Variants in ATP13A3 observed in about 807,000 individuals in gnomAD.
The protein encoded by ATP13A3 is ATPase 13A3, also known as polyamine-transporting ATPase 13A3.
A neutral mutation model predicts 158.1 loss-of-function variants in ATP13A3; 59 were observed. The ratio of observed to expected loss-of-function variants is 0.37; its 90% confidence interval spans 0.30 to 0.46. The LOEUF (loss-of-function observed/expected upper bound fraction) is 0.46. Among genes scored for constraint, ATP13A3 ranks in the 20% least tolerant of loss-of-function variants. The pLI is 1.00. For missense variants in ATP13A3, 1,166 were observed against 1,525.2 expected (o/e 0.76, Z 3.92); for synonymous variants, 491 against 504.3 (o/e 0.97, Z 0.35).
Position 194,430,149 on chromosome 3 carries a change from T to C in ATP13A3, c.2700A>G (p.Leu900=), listed in dbSNP as rs1280857592. 6.2e-7 allele frequency: 1 copy of C among 1,614,116 alleles called. No homozygotes were observed. The highest frequency in any genetic ancestry group is 1.7e-5 in the Admixed American group (1 of 60,012). The part of the protein sequence containing the change: ...ALKRAHGGIS[L]SELEASVASP... Reference sequence around the variant, plus strand: ...ATGCCACTGAAGCTTCGAGCTCCGATAAGGAAATGCCTCCGTGTGCCCTCT... The same window carrying C: ...ATGCCACTGAAGCTTCGAGCTCCGACAAGGAAATGCCTCCGTGTGCCCTCT... Residue 900 remains leucine (L), a synonymous_variant, in exon 26 of 34, where the codon TTA becomes TTG. Transcript: ENST00000645319.
chr3:194,429,670 A>C lies in ATP13A3; in HGVS notation c.2874+8T>G. On this transcript the variant is annotated splice_region_variant and intron_variant, in intron 27 of 33. Coordinates refer to ENST00000645319, the MANE Select transcript of ATP13A3 (RefSeq NM_001367549.1). ...AGTGTTATCTCTGCACACAATGTTAATACTCACAGAATACAGCAGAGTAAC... is the reference window on the plus strand; with the variant it reads ...AGTGTTATCTCTGCACACAATGTTACTACTCACAGAATACAGCAGAGTAAC... The C allele has an allele frequency of 6.3e-7, 1 of 1,589,424 alleles. No homozygotes were observed. Among genetic ancestry groups the C allele is most frequent in the Admixed American group, 1.7e-5 (1 of 59,218 alleles).
rs370306575 is a variant in ATP13A3, at chr3:194,445,307, T to C, written c.1498-521A>G. 6.7e-4 allele frequency among the ~76,000 whole-genome samples: 102 copies of C among 152,354 alleles called. No individual in the cohort carries two copies. In the South Asian group the frequency reaches 0.02, roughly 30 times the overall value. Reference sequence around the variant, plus strand: ...TTAATTGTAAGCAATGTAATCCCTATTTGGATTCTGACTGAAAAATCAACT... The same window carrying C: ...TTAATTGTAAGCAATGTAATCCCTACTTGGATTCTGACTGAAAAATCAACT... On this transcript the variant is annotated intron_variant, in intron 14 of 33. Transcript: ENST00000645319.
At chr3:194,415,298 G>A (rs1048891532) in intron 31 of ATP13A3, among the ~76,000 whole-genome samples, 3 of 152,196 alleles carry the variant, frequency 2.0e-5, no homozygotes, top group African/African-American at 7.2e-5. Flanking sequence ...TCAGTAGATT[G>A]GCAGGGGAAG....
intron 31 of ATP13A3, 75 bp from the exon 32 acceptor site, chr3:194,413,914 A>G: frequency 2.4e-6 from 3 of 1,269,042 alleles, no homozygotes; most frequent in Non-Finnish European, 3.4e-6. Context: ...ATAATTTCTA[A>G]ATTTATTGAA....
At chr3:194,455,525 T>C (rs1183338005) in intron 8 of ATP13A3, among the ~76,000 whole-genome samples, 3 of 152,208 alleles carry the variant, frequency 2.0e-5, no homozygotes, top group Non-Finnish European at 4.4e-5. Flanking sequence ...CACTATGCTA[T>C]GCTCATAAGC....
chr3:194,412,072 C>T (rs1397096917), intron 33 of ATP13A3, 127 bp downstream of exon 33: 20 of 691,428 alleles, frequency 2.9e-5, no homozygotes, highest in East Asian at 1.1e-4. Flanking sequence ...TGAAGGAACA[C>T]GTAATAGAAC....
rs549369368 is a variant in ATP13A3, at chr3:194,459,647, A to G, written c.409-106T>C. ...TATATAGGATTATATATAGCATTAT[A>G]TATAGTAATATGTAATATTTTATAT... On this transcript the variant is annotated intron_variant, in intron 5 of 33. Coordinates refer to ENST00000645319, the MANE Select transcript of ATP13A3 (RefSeq NM_001367549.1). 18 of 1,108,566 alleles carry G rather than the reference A, an allele frequency of 1.6e-5. No homozygotes were observed. In the South Asian group the frequency reaches 2.7e-4, roughly 17 times the overall value. 68.7% of individuals were successfully genotyped at this position (1,108,566 alleles called of 1,614,324 possible).
chr3:194,475,601 A>C (rs1212519161), intron 2 of ATP13A3, among the ~76,000 whole-genome samples: 2 of 152,194 alleles, frequency 1.3e-5, no homozygotes, highest in East Asian at 3.8e-4. Flanking sequence ...ACAGTAATAT[A>C]AGTTGCTATT....
At chr3:194,454,441 T>C (rs376579407) in intron 8 of ATP13A3, 49 bp from the exon 9 acceptor site, 6 of 1,515,556 alleles carry the variant, frequency 4.0e-6, no homozygotes, top group Non-Finnish European at 4.5e-6. Context: ...TTAATGACCA[T>C]ACAGATTGTC....
At chr3:194,412,989 C>A (rs2108733088) in intron 32 of ATP13A3, 1 of 152,270 alleles carries the variant, frequency 6.6e-6, no homozygotes, top group East Asian at 1.9e-4. Context: ...TTATTTTGAT[C>A]CAAAAGCCTG....
chr3:194,450,438 G>A (rs1718725287), intron 10 of ATP13A3, 162 bp from the exon 11 acceptor site: 4 of 667,948 alleles, frequency 6.0e-6, no homozygotes, highest in South Asian at 2.0e-5. Flanking sequence ...AAGATTATTA[G>A]GCTAACAAAG....
chr3:194,429,617 T>C, intron 27 of ATP13A3, 61 bp downstream of exon 27: 1 of 1,318,126 alleles, frequency 7.6e-7, no homozygotes, highest in Non-Finnish European at 1.1e-6. Flanking sequence ...ACACATACGC[T>C]CAACATCTTA....
chr3:194,407,772 G>A (rs901947113), intron 33 of ATP13A3, among the ~76,000 whole-genome samples: 1 of 151,970 alleles, frequency 6.6e-6, no homozygotes, highest in Non-Finnish European at 1.5e-5. Context: ...AGTTATATCA[G>A]CATCACCTTA....
At chr3:194,464,743 A>G (rs2108992542) in intron 2 of ATP13A3, among the ~76,000 whole-genome samples, 1 of 152,280 alleles carries the variant, frequency 6.6e-6, no homozygotes. Context: ...CCTTGTAGTC[A>G]TCACTCAGTA....
intron 33 of ATP13A3, among the ~76,000 whole-genome samples, chr3:194,406,783 T>G (rs1714970542): frequency 6.6e-6 from 1 of 152,228 alleles, no homozygotes; most frequent in African/African-American, 2.4e-5. Flanking sequence ...AAATATCGTT[T>G]GGTCAAAATT....
chr3:194,478,528 T>G (rs1577094596), intron 2 of ATP13A3, among the ~76,000 whole-genome samples: 1 of 152,162 alleles, frequency 6.6e-6, no homozygotes, highest in South Asian at 2.1e-4. Flanking sequence ...TGAGAGATCC[T>G]AAAAAATGCC....
intron 31 of ATP13A3, among the ~76,000 whole-genome samples, chr3:194,414,799 T>C (rs1715699272): frequency 6.6e-6 from 1 of 152,146 alleles, no homozygotes; most frequent in Non-Finnish European, 1.5e-5. Context: ...AAGGAGAACA[T>C]GATGAGCTTA....
At position 194,436,448 on chromosome 3, in the gene ATP13A3, GAGA is replaced by G. The variant is rs1717642331; in HGVS notation, c.2120+644_2120+646del. Among the ~76,000 whole-genome samples, 6 of 152,318 alleles carry G rather than the reference GAGA, an allele frequency of 3.9e-5. No individual in the cohort carries two copies. In the Middle Eastern group the frequency reaches 0.02, roughly 518 times the overall value. ...TTATATCCAACCACTGGGCAAAAGT[GAGA>G]AGATCAATTGGTGAAAATAAACTTC... On this transcript the variant is annotated intron_variant, in intron 20 of 33. Transcript: ENST00000645319.
At chr3:194,439,002 A>G in intron 16 of ATP13A3, 30 bp from the exon 17 acceptor site, 1 of 1,418,314 alleles carries the variant, frequency 7.1e-7, no homozygotes, top group Non-Finnish European at 9.8e-7. Context: ...AAAAAAAAAC[A>G]AAAACACAAC....
Sources: gnomAD v4.1 joint callset for allele counts (sites outside exome capture counted in the v4.1 genomes callset) on GRCh38, gnomAD v4.1.1 for gene constraint, MANE v1.5 for transcripts, NCBI Gene and HGNC (gene_info 2026-07-23, HGNC 2026-07-21) for gene names.